The following MTCL1 variants were observed in gnomAD, a reference collection of about 807,000 sequenced individuals.
MTCL1 encodes microtubule cross-linking factor 1.
In MTCL1, 79 loss-of-function variants were observed where a neutral mutation model predicts 141.4. The ratio of observed to expected loss-of-function variants is 0.56; its 90% CI spans 0.47 to 0.67. The LOEUF (loss-of-function observed/expected upper bound fraction) is 0.67, where lower values mean the gene tolerates loss of function less well. Ranked by LOEUF, MTCL1 falls within the 30% of genes least tolerant of loss-of-function variation. The probability of loss-of-function intolerance (pLI) is 0.00; values close to 1 mark genes in which losing one functional copy is unlikely to be tolerated. For synonymous variants in MTCL1, 914 were observed against 875.8 expected, an observed-to-expected ratio of 1.04 and a Z score of -0.77; for missense variants, 2,177 against 2,113.9, an observed-to-expected ratio of 1.03 and a Z score of -0.59.
chr18:8,832,071 A>G (rs1393062095), exon 17 of MTCL1: 4 of 509,868 alleles, frequency 7.8e-6, no homozygotes, highest in Non-Finnish European at 1.4e-5. Context: ...ATATTAAACG[A>G]AAAGGTAAAT....
At chr18:8,792,950 G>A in intron 7 of MTCL1, 48 bp from the exon 7 acceptor site, 2 of 1,606,784 alleles carry the variant, frequency 1.2e-6, no homozygotes, top group Non-Finnish European at 1.7e-6. Flanking sequence ...GTCACCTCAG[G>A]CAGAGTTCTC....
intron 4 of MTCL1, among the ~76,000 whole-genome samples, chr18:8,765,860 C>T (rs540581373): frequency 6.6e-6 from 1 of 152,322 alleles, no homozygotes; most frequent in East Asian, 1.9e-4. Context: ...AGGAAGCAGG[C>T]AGAGCTTCCA....
chr18:8,775,005 C>A (rs1049426256), intron 4 of MTCL1, among the ~76,000 whole-genome samples: 1 of 152,110 alleles, frequency 6.6e-6, no homozygotes, highest in African/African-American at 2.4e-5. Context: ...CCAAGGGCTC[C>A]CACCCAGAAT....
At chr18:8,732,251 A>AT (rs911085144) in intron 4 of MTCL1, among the ~76,000 whole-genome samples, 6 of 151,822 alleles carry the variant, frequency 4.0e-5, no homozygotes, top group East Asian at 1.9e-4. Context: ...CACCCGGCTA[A>AT]TTTTTTTGAT....
intron 12 of MTCL1, among the ~76,000 whole-genome samples, chr18:8,816,644 A>G (rs922266642): frequency 6.6e-6 from 1 of 152,178 alleles, no homozygotes; most frequent in Non-Finnish European, 1.5e-5. Context: ...AGGGTCATCC[A>G]TTCATTCTCC....
exon 15 of MTCL1, chr18:8,825,077 G>T (rs1256794672): frequency 6.2e-7 from 1 of 1,611,498 alleles, no homozygotes; most frequent in Non-Finnish European, 8.5e-7. Context: ...AGCAGTCGGG[G>T]TTGCGCGTGT....
intron 4 of MTCL1, among the ~76,000 whole-genome samples, chr18:8,756,527 GTGTGTGTATA>G: frequency 7.1e-6 from 1 of 140,002 alleles, no homozygotes; most frequent in East Asian, 1.9e-4. Context: ...GTGTATATAT[GTGTGTGTATA>G]TATGTGTATA....
intron 1 of MTCL1, among the ~76,000 whole-genome samples, 185 bp downstream of exon 1, chr18:8,706,898 C>T (rs1453293896): frequency 6.6e-6 from 1 of 152,372 alleles, no homozygotes; most frequent in Non-Finnish European, 1.5e-5. Context: ...AGAAGCAAGA[C>T]CTGTGGGACC....
exon 9 of MTCL1, chr18:8,796,285 C>A: frequency 1.2e-6 from 2 of 1,614,154 alleles, no homozygotes; most frequent in Non-Finnish European, 1.7e-6. Context: ...AAATGCACAG[C>A]CTGGCTTTGC....
In MTCL1 at chr18:8,823,749, A is replaced by C. The variant is rs139428700; in HGVS notation, c.3189-950A>C. Among the ~76,000 whole-genome samples the C allele has an allele frequency of 3.9e-3, 596 of 152,314 alleles. 3 individuals carry two copies. Among genetic ancestry groups the C allele is most frequent in the Middle Eastern group, 6.8e-3 (2 of 294 alleles). The stretch of plus-strand genomic sequence containing the variant: ...GGACGGGTGCCTTGCCCCCAAGGTG[A>C]AGCCAGCTGTCAGCAAAGCTGCCCA... On this transcript the variant is annotated intron_variant, in intron 14 of 16. Coordinates refer to ENST00000359865, the Ensembl canonical transcript of MTCL1.
At chr18:8,788,557 C>T (rs775756878) in intron 7 of MTCL1, among the ~76,000 whole-genome samples, 3 of 152,194 alleles carry the variant, frequency 2.0e-5, no homozygotes, top group South Asian at 2.1e-4. Context: ...TTTGGCCCGA[C>T]CAAAACTGTG....
chr18:8,717,931 C>T (rs2096140471), exon 2 of MTCL1: 1 of 997,934 alleles, frequency 1.0e-6, no homozygotes, highest in South Asian at 4.5e-5. Context: ...TGAGATGCGT[C>T]TTGTGGAACA....
At chr18:8,791,429 A>G (rs498461) in intron 7 of MTCL1, among the ~76,000 whole-genome samples, 109,687 of 148,132 alleles carry the variant, frequency 0.74, 41,228 homozygotes, top group African/African-American at 0.86. Context: ...CCTCCACCCA[A>G]ATCCATACTA....
At position 8,808,549 on chromosome 18, in the gene MTCL1, A is replaced by G. The variant is rs150651901; in HGVS notation, c.2604+1489A>G. Among the ~76,000 whole-genome samples the G allele has an allele frequency of 4.9e-3, 754 of 152,326 alleles. 4 individuals carry two copies. Among genetic ancestry groups the G allele is most frequent in the African/African-American group, 0.017 (709 of 41,570 alleles). On this transcript the variant is annotated intron_variant, in intron 11 of 16. Coordinates refer to ENST00000359865, the Ensembl canonical transcript of MTCL1. ...AGGTAGAGAGTTTATCTTCTGCCCA[A>G]ATCATTTAGGAAGTTTCTTAAACAT...
intron 10 of MTCL1, 31 bp from the exon 10 acceptor site, chr18:8,806,862 G>A (rs1394844183): frequency 9.3e-6 from 15 of 1,606,594 alleles, no homozygotes; most frequent in Admixed American, 1.7e-5. Flanking sequence ...GCTTAAAGGA[G>A]GTGGTGGAGC....
rs541044551 is a variant in MTCL1, at chr18:8,825,253, A to T, written c.3743A>T (p.Asp1248Val). The T allele has an allele frequency of 5.0e-6, 8 of 1,590,868 alleles. No individual in the cohort carries two copies. The African/African-American group carries it at 6.7e-5, about 13-fold the overall frequency. ...TGCACCTCCCCCAGGCACTCCCGGG[A>T]CTATGTGGAGGGGGCACGGCGCCCC... Residue 1248 changes from aspartate (D) to valine (V), a missense_variant, in exon 15 of 17, where the codon GAC becomes GTC. Coordinates refer to ENST00000359865, the Ensembl canonical transcript of MTCL1.
exon 6 of MTCL1, chr18:8,784,745 C>A (rs765773221): frequency 1.2e-6 from 2 of 1,614,086 alleles, no homozygotes; most frequent in Non-Finnish European, 1.7e-6. Flanking sequence ...CCCCTTGCCC[C>A]ACCTCACAGA....
chr18:8,749,665 G>GT, intron 4 of MTCL1, among the ~76,000 whole-genome samples: 1 of 152,338 alleles, frequency 6.6e-6, no homozygotes, highest in South Asian at 2.1e-4. Context: ...CAGGGATGGG[G>GT]TTTGGCCACC....
chr18:8,825,400 C>T lies in MTCL1; in HGVS notation c.3890C>T (p.Ser1297Phe), dbSNP rs909835612. The change falls in exon 15 of 17, where the codon TCC (serine) becomes TTC (phenylalanine). Residue 1297 changes from serine (S) to phenylalanine (F), a missense_variant. Physicochemically the swap from Ser to Phe is radical, Grantham distance 155. Transcript: ENST00000359865. ...TTCTCTGTCAGGAATGCCATCTGCT[C>T]CGGCCCTGGCGAGCTGCAAGTCAAG... 1.9e-6 allele frequency: 3 copies of T among 1,543,804 alleles called. No individual in the cohort carries two copies. The African/African-American group carries it at 4.1e-5, about 21-fold the overall frequency.
Sources: gnomAD v4.1 joint callset for allele counts (sites outside exome capture counted in the v4.1 genomes callset) on GRCh38, gnomAD v4.1.1 for gene constraint, MANE v1.5 for transcripts, NCBI Gene and HGNC (gene_info 2026-07-23, HGNC 2026-07-21) for gene names.